Variants in MTMR7 observed in about 807,000 individuals in gnomAD.
MTMR7 encodes the protein myotubularin related protein 7.
Under a neutral mutation model 81.2 loss-of-function variants are expected in MTMR7, and 76 were observed. That is an observed-to-expected ratio of 0.94 (90% CI 0.78 to 1.13). The LOEUF is 1.13. MTMR7 is among the 50% of genes most tolerant of loss of function. The pLI, the probability that MTMR7 is intolerant of heterozygous loss-of-function variation, is 0.00. For missense variants in MTMR7, 1,044 were observed against 820.0 expected, an observed-to-expected ratio of 1.27 and a Z score of -3.34; for synonymous variants, 372 against 289.8, an observed-to-expected ratio of 1.28 and a Z score of -2.88.
chr8:17,402,359 T>C (rs985794083), intron 1 of MTMR7, among the ~76,000 whole-genome samples: 1 of 152,162 alleles, frequency 6.6e-6, no homozygotes, highest in Non-Finnish European at 1.5e-5. Flanking sequence ...TCTAACTACT[T>C]TCTGTAGCCG....
At chr8:17,383,986 T>C (rs990111598) in intron 1 of MTMR7, among the ~76,000 whole-genome samples, 10 of 152,184 alleles carry the variant, frequency 6.6e-5, no homozygotes, top group African/African-American at 2.4e-4. Flanking sequence ...GGTGTCACTG[T>C]CTGTATAATG....
At chr8:17,340,125 T>C (rs1819361314) in intron 6 of MTMR7, among the ~76,000 whole-genome samples, 2 of 152,220 alleles carry the variant, frequency 1.3e-5, no homozygotes, top group African/African-American at 4.8e-5. Flanking sequence ...CTAATTTTTG[T>C]TATTTTTAAT....
rs1586110859 is a variant in MTMR7, at chr8:17,297,525, T to C, written c.*2337A>G. 1 of 150,820 alleles carries C rather than the reference T, an allele frequency of 6.6e-6. No homozygotes were observed. Among genetic ancestry groups the C allele is most frequent in the African/African-American group, 2.5e-5 (1 of 40,770 alleles). 9.3% of individuals were successfully genotyped at this position (150,820 alleles called of 1,614,324 possible). On this transcript the variant is annotated 3_prime_UTR_variant, in exon 14 of 14. Coordinates refer to ENST00000180173, the MANE Select transcript of MTMR7 (RefSeq NM_004686.5). Reference sequence around the variant, plus strand: ...TCCATTCTATAAAAAGCTCAGTTACTGATTTGCTGGGTCATGGTCAAAATT... The same window carrying C: ...TCCATTCTATAAAAAGCTCAGTTACCGATTTGCTGGGTCATGGTCAAAATT...
intron 1 of MTMR7, among the ~76,000 whole-genome samples, chr8:17,385,563 T>C (rs778486766): frequency 7.2e-5 from 11 of 152,210 alleles, no homozygotes; most frequent in Non-Finnish European, 1.3e-4. Context: ...TTCCCAGCCA[T>C]GTAGAACTGT....
intron 7 of MTMR7, among the ~76,000 whole-genome samples, chr8:17,314,145 T>C (rs1817934810): frequency 6.6e-6 from 1 of 152,192 alleles, no homozygotes; most frequent in Non-Finnish European, 1.5e-5. Flanking sequence ...ACGTAAAGCA[T>C]TAAAAAGCTT....
chr8:17,366,924 G>A (rs1204638069), intron 3 of MTMR7, among the ~76,000 whole-genome samples: 1 of 146,912 alleles, frequency 6.8e-6, no homozygotes, highest in Non-Finnish European at 1.5e-5. Flanking sequence ...CATTTAGAGT[G>A]GGGTGAGAAG....
Position 17,299,865 on chromosome 8 carries a change from G to A in MTMR7, c.1980C>T (p.Ala660=). ...RDSDEAVFLT[A] is the part of the protein sequence containing the mutation. Reference sequence around the variant, plus strand: ...TTTGGAACTCCAAAGGGAAACTTCAGGCAGTGAGAAACACGGCTTCATCAG... The same window carrying A: ...TTTGGAACTCCAAAGGGAAACTTCAAGCAGTGAGAAACACGGCTTCATCAG... Residue 660 remains alanine (A), a synonymous_variant, in exon 14 of 14, where the codon GCC becomes GCT. Transcript: ENST00000180173. The A allele has an allele frequency of 6.2e-7, 1 of 1,613,864 alleles. No homozygotes were observed. The highest frequency in any genetic ancestry group is 8.5e-7 in the Non-Finnish European group (1 of 1,179,820).
Position 17,335,614 on chromosome 8 carries a change from C to T in MTMR7, c.733-4332G>A, listed in dbSNP as rs77783412. ...AGGGGGACTTGGTCTTGCCCTAACA[C>T]AGGTGGTCAAATGACGGTCTTTCTC... On this transcript the variant is annotated intron_variant, in intron 6 of 13. Coordinates refer to ENST00000180173, the MANE Select transcript of MTMR7 (RefSeq NM_004686.5). Among the ~76,000 whole-genome samples the T allele has an allele frequency of 7.5e-3, 1,149 of 152,314 alleles. 14 individuals carry two copies. The highest frequency in any genetic ancestry group is 0.026 in the African/African-American group (1,092 of 41,566).
At chr8:17,361,356 T>C (rs1438476216) in intron 3 of MTMR7, 82 bp from the exon 4 acceptor site, 1 of 1,529,016 alleles carries the variant, frequency 6.5e-7, no homozygotes, top group Non-Finnish European at 9.0e-7. Context: ...CTGTCCCACC[T>C]GGAGTGCCCA....
At chr8:17,350,682 G>A (rs1471146929) in intron 4 of MTMR7, among the ~76,000 whole-genome samples, 1 of 152,150 alleles carries the variant, frequency 6.6e-6, no homozygotes, top group Non-Finnish European at 1.5e-5. Flanking sequence ...TGGGTTTGTA[G>A]GGGTTGAAAA....
At chr8:17,327,014 T>G (rs1258765111) in intron 7 of MTMR7, among the ~76,000 whole-genome samples, 3 of 152,256 alleles carry the variant, frequency 2.0e-5, no homozygotes, top group Non-Finnish European at 4.4e-5. Context: ...CTCCTAGTCT[T>G]TCTTCAGACA....
intron 10 of MTMR7, among the ~76,000 whole-genome samples, chr8:17,307,951 T>C (rs897536678): frequency 2.6e-5 from 4 of 151,946 alleles, no homozygotes; most frequent in Non-Finnish European, 5.9e-5. Flanking sequence ...GACGAGTTAA[T>C]GGGTGCAGCA....
intron 4 of MTMR7, among the ~76,000 whole-genome samples, chr8:17,355,876 G>C (rs1178328717): frequency 6.6e-6 from 1 of 152,122 alleles, no homozygotes; most frequent in African/African-American, 2.4e-5. Flanking sequence ...ACCACATCGA[G>C]ATCCAATTCA....
intron 1 of MTMR7, among the ~76,000 whole-genome samples, chr8:17,375,214 C>CA (rs1168432928): frequency 6.6e-6 from 1 of 152,122 alleles, no homozygotes; most frequent in Non-Finnish European, 1.5e-5. Flanking sequence ...ACACCAAGAG[C>CA]AAACAGGACC....
At position 17,348,879 on chromosome 8, in the gene MTMR7, G is replaced by C. The variant is rs988323588; in HGVS notation, c.597+74C>G. 27 of 1,559,150 alleles carry C rather than the reference G, an allele frequency of 1.7e-5. No homozygotes were observed. In the Admixed American group the frequency reaches 2.0e-4, roughly 12 times the overall value. On this transcript the variant is annotated intron_variant, in intron 5 of 13. Coordinates refer to ENST00000180173, the MANE Select transcript of MTMR7 (RefSeq NM_004686.5). Reference sequence around the variant, plus strand: ...AAACACACACACACGCACAGCAGAAGGCAGCTAGAAAATGCCTGCTTATGA... The same window carrying C: ...AAACACACACACACGCACAGCAGAACGCAGCTAGAAAATGCCTGCTTATGA...
chr8:17,343,361 C>G (rs1203555554), intron 5 of MTMR7, among the ~76,000 whole-genome samples: 1 of 151,952 alleles, frequency 6.6e-6, no homozygotes. Context: ...ACCCGACAGG[C>G]AGAGTTTGCA....
At chr8:17,366,780 G>A (rs1820237334) in intron 3 of MTMR7, among the ~76,000 whole-genome samples, 1 of 151,100 alleles carries the variant, frequency 6.6e-6, no homozygotes, top group African/African-American at 2.4e-5. Flanking sequence ...CAGCTACTCG[G>A]GAGGTTGAGG....
Position 17,302,213 on chromosome 8 carries a change from G to C in MTMR7, c.1561C>G (p.Leu521Val), listed in dbSNP as rs770060065. The change falls in exon 13 of 14, where the codon CTA (leucine) becomes GTA (valine). Residue 521 changes from leucine (L) to valine (V), a missense_variant. By Grantham distance (32) the Leu-to-Val change is conservative (BLOSUM62 1). Transcript: ENST00000180173. ...TGAGTTTCTTCCTTCACTGCCATTAGGTAATCTGTAACTGACTGTCGGGGC... is the reference window on the plus strand; with the variant it reads ...TGAGTTTCTTCCTTCACTGCCATTACGTAATCTGTAACTGACTGTCGGGGC... ...MQPRQSVTDY[L>V]MAVKEETQQL... is the part of the protein sequence containing the mutation. 30 of 1,613,954 alleles carry C rather than the reference G, an allele frequency of 1.9e-5. No homozygotes were observed. The highest frequency in any genetic ancestry group is 2.2e-5 in the East Asian group (1 of 44,892).
At position 17,408,103 on chromosome 8, in the gene MTMR7, T is replaced by C. The variant is rs1402347364; in HGVS notation, c.24+5166A>G. Among the ~76,000 whole-genome samples, 4 of 122,874 alleles carry C rather than the reference T, an allele frequency of 3.3e-5. 1 individual carries two copies. The highest frequency in any genetic ancestry group is 5.8e-5 in the Non-Finnish European group (3 of 51,306). The allele number at this position is 122,874 out of a possible 152,430, so 80.6% of individuals were successfully genotyped here. ...AAACCATCAATCAGCAAGAACATCATGGAGAGGCCGGGCGCGGTGGCTCAC... is the reference window on the plus strand; with the variant it reads ...AAACCATCAATCAGCAAGAACATCACGGAGAGGCCGGGCGCGGTGGCTCAC... On this transcript the variant is annotated intron_variant, in intron 1 of 13. Coordinates refer to ENST00000180173, the MANE Select transcript of MTMR7 (RefSeq NM_004686.5).
Sources: gnomAD v4.1 joint callset for allele counts (sites outside exome capture counted in the v4.1 genomes callset) on GRCh38, gnomAD v4.1.1 for gene constraint, MANE v1.5 for transcripts, NCBI Gene and HGNC (gene_info 2026-07-23, HGNC 2026-07-21) for gene names.